HS6ST3: variants seen among roughly 807,000 people sequenced by gnomAD.
HS6ST3 encodes heparan sulfate 6-O-sulfotransferase 3, also known as heparan-sulfate 6-O-sulfotransferase 3.
In HS6ST3, 12 loss-of-function variants were observed where a neutral mutation model predicts 36.7. The observed-to-expected ratio is 0.33, with a 90% CI of 0.21 to 0.53. The LOEUF (loss-of-function observed/expected upper bound fraction) is 0.53. Among genes scored for constraint, HS6ST3 ranks in the 20% least tolerant of loss-of-function variants. The pLI, the probability that HS6ST3 is intolerant of heterozygous loss-of-function variation, is 0.95. For missense variants in HS6ST3, 584 were observed against 640.9 expected (o/e 0.91, Z 0.96); for synonymous variants, 240 against 257.5 (o/e 0.93, Z 0.65).
At chr13:96,306,911 G>A (rs2054916621) in intron 1 of HS6ST3, among the ~76,000 whole-genome samples, 1 of 152,132 alleles carries the variant, frequency 6.6e-6, no homozygotes, top group Non-Finnish European at 1.5e-5. Context: ...TTTTGGAAGT[G>A]GCTTACCTGG....
At chr13:96,427,027 G>T (rs1486081240) in intron 1 of HS6ST3, among the ~76,000 whole-genome samples, 1 of 152,106 alleles carries the variant, frequency 6.6e-6, no homozygotes, top group Non-Finnish European at 1.5e-5. Flanking sequence ...CAGAATTGGG[G>T]GTAGGATTTG....
intron 1 of HS6ST3, among the ~76,000 whole-genome samples, chr13:96,464,486 C>G (rs910114023): frequency 6.6e-6 from 1 of 152,108 alleles, no homozygotes; most frequent in Non-Finnish European, 1.5e-5. Flanking sequence ...TAAAATACCA[C>G]TTTCAATGTA....
chr13:96,428,208 G>C (rs1422864955), intron 1 of HS6ST3, among the ~76,000 whole-genome samples: 1 of 152,074 alleles, frequency 6.6e-6, no homozygotes, highest in Non-Finnish European at 1.5e-5. Flanking sequence ...AATTAGCCGG[G>C]CATGGTGGCA....
intron 1 of HS6ST3, among the ~76,000 whole-genome samples, chr13:96,573,258 T>G (rs1395148691): frequency 6.6e-6 from 1 of 152,226 alleles, no homozygotes; most frequent in Non-Finnish European, 1.5e-5. Flanking sequence ...ATGAAAATAG[T>G]GTTTTATGTT....
At position 96,393,580 on chromosome 13, in the gene HS6ST3, G is replaced by A. The variant is rs374067225; in HGVS notation, c.707+302011G>A. Among the ~76,000 whole-genome samples the A allele has an allele frequency of 1.8e-4, 27 of 152,254 alleles. No individual in the cohort carries two copies. The East Asian group carries it at 3.7e-3, about 21-fold the overall frequency. On this transcript the variant is annotated intron_variant, in intron 1 of 1. Coordinates refer to ENST00000376705, the MANE Select transcript of HS6ST3 (RefSeq NM_153456.4). ...AACATAAAAAGTTTACTTGCTTGCC[G>A]ATAAAAATCTTGATGATTTTACTTT... is the stretch of plus-strand genomic sequence containing the variant.
At chr13:96,683,466 C>T (rs1159849572) in intron 1 of HS6ST3, among the ~76,000 whole-genome samples, 1 of 152,056 alleles carries the variant, frequency 6.6e-6, no homozygotes, top group Non-Finnish European at 1.5e-5. Flanking sequence ...TAAGAGCATG[C>T]ATACTAGCAG....
intron 1 of HS6ST3, among the ~76,000 whole-genome samples, chr13:96,691,352 C>G (rs1327839809): frequency 6.6e-6 from 1 of 152,038 alleles, no homozygotes; most frequent in Non-Finnish European, 1.5e-5. Context: ...ACTCCATAGT[C>G]TTTAAAGTGT....
chr13:96,476,299 G>T (rs2138894370), intron 1 of HS6ST3, among the ~76,000 whole-genome samples: 1 of 152,280 alleles, frequency 6.6e-6, no homozygotes, highest in East Asian at 1.9e-4. Flanking sequence ...TGGATGGGTT[G>T]CTGATGGGGA....
chr13:96,546,166 C>T (rs2056196960), intron 1 of HS6ST3, among the ~76,000 whole-genome samples: 1 of 152,048 alleles, frequency 6.6e-6, no homozygotes, highest in Non-Finnish European at 1.5e-5. Context: ...TAGTAGGTCT[C>T]AAGCTGGGCT....
chr13:96,324,710 A>G (rs2055021823), intron 1 of HS6ST3, among the ~76,000 whole-genome samples: 1 of 152,194 alleles, frequency 6.6e-6, no homozygotes, highest in African/African-American at 2.4e-5. Flanking sequence ...ACAGAGACAC[A>G]TACAGAGAGA....
chr13:96,173,825 T>TTG (rs67524085), intron 1 of HS6ST3, among the ~76,000 whole-genome samples: 7 of 150,934 alleles, frequency 4.6e-5, no homozygotes, highest in East Asian at 3.9e-4. Context: ...TAATTTCTCT[T>TTG]TGTGTGTGTG....
Position 96,391,616 on chromosome 13 carries a change from G to A in HS6ST3, c.707+300047G>A, listed in dbSNP as rs771631778. On this transcript the variant is annotated intron_variant, in intron 1 of 1. Transcript: ENST00000376705. ...GTTTAATGGACTTACAGTTCCACAT[G>A]GCTGGGGAGGCCTCACAATCATGGT... Among the ~76,000 whole-genome samples the A allele has an allele frequency of 5.0e-4, 76 of 152,282 alleles. No homozygotes were observed. The Middle Eastern group carries it at 0.014, about 27-fold the overall frequency.
intron 1 of HS6ST3, among the ~76,000 whole-genome samples, chr13:96,179,874 G>C (rs2054231279): frequency 1.3e-5 from 2 of 151,992 alleles, no homozygotes; most frequent in Admixed American, 1.3e-4. Flanking sequence ...CTGTCAACCA[G>C]GCTAGAGTGC....
intron 1 of HS6ST3, among the ~76,000 whole-genome samples, chr13:96,730,055 C>T (rs1876109017): frequency 6.6e-6 from 1 of 152,160 alleles, no homozygotes; most frequent in Non-Finnish European, 1.5e-5. Flanking sequence ...TTTCTGTATG[C>T]ATAACCTTCA....
intron 1 of HS6ST3, among the ~76,000 whole-genome samples, chr13:96,735,477 G>C (rs1159183434): frequency 6.6e-6 from 1 of 152,080 alleles, no homozygotes. Context: ...ACATATATAA[G>C]GGAGGATATT....
chr13:96,558,450 A>G (rs2056249384), intron 1 of HS6ST3, among the ~76,000 whole-genome samples: 1 of 152,234 alleles, frequency 6.6e-6, no homozygotes, highest in African/African-American at 2.4e-5. Context: ...CAGCAGGTAG[A>G]TAACAGTTAT....
chr13:96,208,073 C>T (rs997767494), intron 1 of HS6ST3, among the ~76,000 whole-genome samples: 1 of 152,040 alleles, frequency 6.6e-6, no homozygotes, highest in Non-Finnish European at 1.5e-5. Context: ...CTACAGTTTC[C>T]TTTGTTGCTT....
At position 96,815,947 on chromosome 13, in the gene HS6ST3, C is replaced by T. The variant is rs1056414257; in HGVS notation, c.708-16543C>T. Reference sequence around the variant, plus strand: ...CCTGTCCATCTCCTTCAGGGGTCTGCCTAAGTCCTAGCTGCCCTTAGAAGG... The same window carrying T: ...CCTGTCCATCTCCTTCAGGGGTCTGTCTAAGTCCTAGCTGCCCTTAGAAGG... On this transcript the variant is annotated intron_variant, in intron 1 of 1. Transcript: ENST00000376705. Among the ~76,000 whole-genome samples the T allele has an allele frequency of 2.0e-5, 3 of 152,152 alleles. No homozygotes were observed. The East Asian group carries it at 5.8e-4, about 29-fold the overall frequency.
At chr13:96,248,695 G>A (rs2054594800) in intron 1 of HS6ST3, among the ~76,000 whole-genome samples, 1 of 152,088 alleles carries the variant, frequency 6.6e-6, no homozygotes, top group Non-Finnish European at 1.5e-5. Flanking sequence ...GAGGACATTG[G>A]ACAGGTATTT....
Sources: allele counts gnomAD v4.1 joint callset (sites outside exome capture counted in the v4.1 genomes callset), GRCh38; gene constraint gnomAD v4.1.1; transcripts MANE v1.5; gene names NCBI Gene and HGNC (gene_info 2026-07-23, HGNC 2026-07-21).